The following NAALADL2 variants were observed in gnomAD, a reference collection of about 807,000 sequenced individuals.
NAALADL2 encodes the protein inactive N-acetylated-alpha-linked acidic dipeptidase-like protein 2.
In NAALADL2, 76 loss-of-function variants were observed where a neutral mutation model predicts 87.2. That is an observed-to-expected ratio of 0.87 (90% confidence interval 0.72 to 1.05). NAALADL2 has a LOEUF of 1.05. Ranked by LOEUF, NAALADL2 falls within the 50% of genes least tolerant of loss-of-function variation. NAALADL2 has a pLI of 0.00. For synonymous variants in NAALADL2, 354 were observed against 331.0 expected, an observed-to-expected ratio of 1.07 and a Z score of -0.75; for missense variants, 1,089 against 945.8, an observed-to-expected ratio of 1.15 and a Z score of -1.99.
At chr3:175,731,452 G>C (rs1743734879) in intron 11 of NAALADL2, among the ~76,000 whole-genome samples, 1 of 152,094 alleles carries the variant, frequency 6.6e-6, no homozygotes. Context: ...CCATCTACCT[G>C]TCTCTTAGGG....
chr3:175,767,474 T>A (rs1352630041), intron 13 of NAALADL2: 1 of 152,070 alleles, frequency 6.6e-6, no homozygotes, highest in Non-Finnish European at 1.5e-5. Flanking sequence ...GAAGGCAATC[T>A]AGATATTCAA....
intron 1 of NAALADL2, among the ~76,000 whole-genome samples, chr3:174,874,991 A>G (rs1186332781): frequency 6.6e-6 from 1 of 151,660 alleles, no homozygotes; most frequent in Non-Finnish European, 1.5e-5. Flanking sequence ...GCATGCACCC[A>G]TAGTCCCAGC....
At chr3:175,626,049 G>T (rs1726942727) in intron 10 of NAALADL2, among the ~76,000 whole-genome samples, 2 of 151,938 alleles carry the variant, frequency 1.3e-5, no homozygotes, top group African/African-American at 4.8e-5. Context: ...GTGAGTTGAA[G>T]TTTGGTTAAC....
At chr3:174,530,972 G>T (rs958788406) in intron 1 of NAALADL2, among the ~76,000 whole-genome samples, 2 of 152,182 alleles carry the variant, frequency 1.3e-5, no homozygotes, top group African/African-American at 2.4e-5. Flanking sequence ...ATTTGTTGAA[G>T]CAATTTATTG....
intron 2 of NAALADL2, among the ~76,000 whole-genome samples, chr3:175,220,562 A>C (rs889004430): frequency 1.3e-5 from 2 of 151,944 alleles, no homozygotes; most frequent in Admixed American, 6.6e-5. Flanking sequence ...TTTTCTTCTT[A>C]AGATGGATAA....
intron 2 of NAALADL2, among the ~76,000 whole-genome samples, chr3:175,114,572 C>T (rs1369033717): frequency 6.6e-6 from 1 of 151,588 alleles, no homozygotes. Flanking sequence ...GCAAAACTAG[C>T]TATTCCTTAT....
chr3:175,435,598 T>C (rs1223308054), intron 5 of NAALADL2, among the ~76,000 whole-genome samples: 3 of 152,084 alleles, frequency 2.0e-5, no homozygotes, highest in Non-Finnish European at 2.9e-5. Context: ...TATACATATT[T>C]AAGCATATTT....
chr3:174,447,862 T>A (rs1309123885), intron 1 of NAALADL2, among the ~76,000 whole-genome samples: 2 of 152,074 alleles, frequency 1.3e-5, no homozygotes, highest in Non-Finnish European at 2.9e-5. Context: ...TCAAAGTAGC[T>A]TCTTACTTGT....
chr3:174,767,721 T>A (rs1454814942), intron 3 of NAALADL2, among the ~76,000 whole-genome samples: 2 of 152,242 alleles, frequency 1.3e-5, no homozygotes, highest in Non-Finnish European at 2.9e-5. Context: ...TTTCTGGTTC[T>A]ATTTTCTCAA....
chr3:175,143,121 T>C (rs1580675473), intron 2 of NAALADL2, among the ~76,000 whole-genome samples: 1 of 152,064 alleles, frequency 6.6e-6, no homozygotes, highest in Non-Finnish European at 1.5e-5. Flanking sequence ...ACCTCTTCAT[T>C]CACAAATCGT....
At chr3:175,001,900 T>C (rs565652750) in intron 1 of NAALADL2, among the ~76,000 whole-genome samples, 64 of 152,282 alleles carry the variant, frequency 4.2e-4, no homozygotes, top group African/African-American at 1.5e-3. Flanking sequence ...TCAAAACACA[T>C]GCCTACAACA....
chr3:175,178,649 A>G (rs1358018905), intron 2 of NAALADL2, among the ~76,000 whole-genome samples: 2 of 152,158 alleles, frequency 1.3e-5, no homozygotes, highest in Non-Finnish European at 2.9e-5. Flanking sequence ...AGAAACACAC[A>G]TTGCTAGTCT....
chr3:175,607,983 A>AT (rs1724023366), intron 10 of NAALADL2, among the ~76,000 whole-genome samples: 1 of 151,548 alleles, frequency 6.6e-6, no homozygotes, highest in African/African-American at 2.4e-5. Flanking sequence ...CATATTAACT[A>AT]AAAACTCAAG....
At position 175,789,192 on chromosome 3, in the gene NAALADL2, T is replaced by C. The variant is rs374378277; in HGVS notation, c.2190-13813T>C. ...TTTTGTAATTCTTTTGTATCCCACA[T>C]AGCAGTAGGTGCCTAATAAATACTT... is the stretch of plus-strand genomic sequence containing the variant. On this transcript the variant is annotated intron_variant, in intron 13 of 13. Transcript: ENST00000454872. Among the ~76,000 whole-genome samples the C allele has an allele frequency of 5.9e-4, 90 of 152,312 alleles. 2 individuals are homozygous for C. The South Asian group carries it at 0.018, about 30-fold the overall frequency.
At chr3:175,681,415 G>A (rs1735578287) in intron 11 of NAALADL2, among the ~76,000 whole-genome samples, 1 of 152,002 alleles carries the variant, frequency 6.6e-6, no homozygotes, top group African/African-American at 2.4e-5. Context: ...TAAATAACTA[G>A]TTTAGTTCAA....
intron 1 of NAALADL2, among the ~76,000 whole-genome samples, chr3:174,981,187 T>C (rs1745061070): frequency 6.6e-6 from 1 of 152,190 alleles, no homozygotes; most frequent in Non-Finnish European, 1.5e-5. Flanking sequence ...ATTAATACAT[T>C]ATTATTTTAA....
At chr3:175,597,787 T>A (rs1224656338) in intron 10 of NAALADL2, among the ~76,000 whole-genome samples, 1 of 152,032 alleles carries the variant, frequency 6.6e-6, no homozygotes, top group East Asian at 1.9e-4. Flanking sequence ...TTGTCCCCAG[T>A]TGAGAATTCT....
At chr3:175,741,194 T>G (rs1480514335) in intron 12 of NAALADL2, among the ~76,000 whole-genome samples, 1 of 152,194 alleles carries the variant, frequency 6.6e-6, no homozygotes, top group Non-Finnish European at 1.5e-5. Flanking sequence ...TTCTGGAGGC[T>G]GAGATATCCA....
At chr3:174,628,476 A>T (rs1721803388) in intron 2 of NAALADL2, among the ~76,000 whole-genome samples, 1 of 18,568 alleles carries the variant, frequency 5.4e-5, no homozygotes, top group African/African-American at 2.0e-4. Context: ...GACTGTCTCA[A>T]AAAAAAAAAA....
Sources: gnomAD v4.1 joint callset for allele counts (sites outside exome capture counted in the v4.1 genomes callset) on GRCh38, gnomAD v4.1.1 for gene constraint, MANE v1.5 for transcripts, NCBI Gene and HGNC (gene_info 2026-07-23, HGNC 2026-07-21) for gene names.